The following PAH variants were observed in gnomAD, a reference collection of about 807,000 sequenced individuals.
PAH encodes the protein phenylalanine hydroxylase.
A neutral mutation model predicts 62.0 loss-of-function variants in PAH; 64 were observed. The ratio of observed to expected loss-of-function variants is 1.03; its 90% CI spans 0.84 to 1.27. The LOEUF is 1.27. Among genes scored for constraint, PAH ranks in the 50% most tolerant of loss-of-function variants. PAH has a pLI of 0.00. For missense variants in PAH, 579 were observed against 542.8 expected (o/e 1.07, Z -0.66); for synonymous variants, 195 against 196.2 (o/e 0.99, Z 0.05).
intron 1 of PAH, among the ~76,000 whole-genome samples, chr12:102,945,589 C>G (rs1593004741): frequency 6.6e-6 from 1 of 152,098 alleles, no homozygotes; most frequent in African/African-American, 2.4e-5. Flanking sequence ...CTGCCCCAGA[C>G]CCACAGGGAG....
chr12:102,911,341 C>T (rs1186630534), intron 2 of PAH, among the ~76,000 whole-genome samples: 2 of 152,162 alleles, frequency 1.3e-5, no homozygotes, highest in Non-Finnish European at 2.9e-5. Flanking sequence ...GCACTGCGCC[C>T]TGCAAACTAT....
intron 8 of PAH, among the ~76,000 whole-genome samples, chr12:102,848,781 A>G (rs1448375221): frequency 1.3e-4 from 18 of 141,698 alleles, no homozygotes; most frequent in Non-Finnish European, 2.3e-4. Flanking sequence ...CTGGAGAGGT[A>G]GAGGGTAAAC....
intron 1 of PAH, among the ~76,000 whole-genome samples, chr12:102,942,799 A>G (rs368942085): frequency 7.9e-5 from 12 of 152,300 alleles, no homozygotes; most frequent in East Asian, 5.8e-4. Context: ...AAAGCTGACA[A>G]TCATAAGCAA....
At chr12:102,890,418 T>G (rs1877229228) in intron 3 of PAH, among the ~76,000 whole-genome samples, 1 of 152,194 alleles carries the variant, frequency 6.6e-6, no homozygotes, top group Non-Finnish European at 1.5e-5. Context: ...GAAAAACCTG[T>G]TTCTTGGCCC....
chr12:102,862,889 A>T (rs528967584), intron 5 of PAH, among the ~76,000 whole-genome samples: 2 of 152,226 alleles, frequency 1.3e-5, no homozygotes, highest in African/African-American at 4.8e-5. Context: ...ATTTTGCTTA[A>T]GTATTATTGA....
chr12:102,923,996 T>G (rs1252503531), intron 1 of PAH, among the ~76,000 whole-genome samples: 1 of 152,198 alleles, frequency 6.6e-6, no homozygotes, highest in Non-Finnish European at 1.5e-5. Context: ...TATACACGAG[T>G]TAGGCAGTTT....
In PAH at chr12:102,862,555, G is replaced by A. The variant is rs187423474; in HGVS notation, c.509+4041C>T. Among the ~76,000 whole-genome samples, 4 of 152,194 alleles carry A rather than the reference G, an allele frequency of 2.6e-5. No homozygotes were observed. The South Asian group carries it at 8.3e-4, about 32-fold the overall frequency. On this transcript the variant is annotated intron_variant, in intron 5 of 12. Coordinates refer to ENST00000553106, the MANE Select transcript of PAH (RefSeq NM_000277.3). The stretch of plus-strand genomic sequence containing the variant: ...ATGTACCCTTGAACTTAAAATGAAA[G>A]CTAAATTAAAGATTTTAAAAAAAAA...
intron 1 of PAH, among the ~76,000 whole-genome samples, chr12:102,916,832 A>C (rs1201575359): frequency 6.6e-6 from 1 of 152,180 alleles, no homozygotes; most frequent in Non-Finnish European, 1.5e-5. Flanking sequence ...CCAGATCCCC[A>C]ACCCCCTAAA....
rs191028010 is a variant in PAH at position 102,887,554 on chromosome 12, A to G, written c.352+7181T>C. On this transcript the variant is annotated intron_variant, in intron 3 of 12. Transcript: ENST00000553106. ...AAGTGACCTGTTATTGGCTGGGGTTATAGATCATAGAGAGCTCTCCCTATT... is the reference window on the plus strand; with the variant it reads ...AAGTGACCTGTTATTGGCTGGGGTTGTAGATCATAGAGAGCTCTCCCTATT... Among the ~76,000 whole-genome samples the G allele has an allele frequency of 8.3e-4, 127 of 152,170 alleles. 1 individual carries two copies. Among genetic ancestry groups the G allele is most frequent in the Admixed American group, 3.2e-3 (49 of 15,258 alleles).
At chr12:102,883,079 G>A (rs1349040441) in intron 3 of PAH, among the ~76,000 whole-genome samples, 1 of 152,110 alleles carries the variant, frequency 6.6e-6, no homozygotes, top group Non-Finnish European at 1.5e-5. Context: ...TTGGGCTTTA[G>A]TTTCTGTAAC....
rs377244118 is a variant in PAH, at chr12:102,866,649, A to G, written c.456T>C (p.Pro152=). ...LDADHPGFKD[P]VYRARRKQFA... ...ACTGCTTCCGTCTTGCACGGTACAC[A>G]GGATCTTTAAAACCCTAGGAGAAAA... Residue 152 remains proline, a synonymous_variant, in exon 5 of 13, where the codon CCT becomes CCC. Transcript: ENST00000553106. 1 of 1,613,652 alleles carries G rather than the reference A, an allele frequency of 6.2e-7. No individual in the cohort carries two copies.
chr12:102,923,605 GA>G (rs1878610974), intron 1 of PAH: 1 of 152,142 alleles, frequency 6.6e-6, no homozygotes, highest in African/African-American at 2.4e-5. Flanking sequence ...TCTAGAGGGG[GA>G]AAAACATATT....
chr12:102,871,949 AATATATATATATATAT>A (rs1232144620), intron 4 of PAH, among the ~76,000 whole-genome samples: 67 of 30,312 alleles, frequency 2.2e-3, no homozygotes, highest in African/African-American at 8.5e-3. Flanking sequence ...AAAAAAAAAA[AATATATATATATATAT>A]ATATATATAT....
intron 6 of PAH, 65 bp from the exon 7 acceptor site, chr12:102,853,015 C>T (rs912179974): frequency 6.9e-5 from 108 of 1,575,674 alleles, no homozygotes; most frequent in Admixed American, 1.9e-4. Flanking sequence ...ACTAGGAGAC[C>T]TTTAGGTAGT....
chr12:102,895,869 A>AAAATATATATATATATAT (rs953209518), intron 2 of PAH, among the ~76,000 whole-genome samples: 6 of 118,738 alleles, frequency 5.1e-5, no homozygotes, highest in African/African-American at 1.8e-4. Context: ...AAAAAAAAAA[A>AAAATATATATATATATAT]ATATATATAT....
chr12:102,920,143 G>A (rs36002276), upstream of PAH, among the ~76,000 whole-genome samples: 23,049 of 152,020 alleles, frequency 0.15, 1,818 homozygotes, highest in Middle Eastern at 0.17. Flanking sequence ...AAAACTAATC[G>A]CTTCTTTAAA....
chr12:102,958,167 C>G, intron 1 of PAH: 1 of 1,177,540 alleles, frequency 8.5e-7, no homozygotes, highest in Non-Finnish European at 1.1e-6. Flanking sequence ...CCCAAGTTCT[C>G]TCTGTGTCCC....
chr12:102,947,931 G>C lies in PAH; in HGVS notation c.-96+2658C>G, dbSNP rs1232774918. On this transcript the variant is annotated intron_variant, in intron 1 of 3. Coordinates refer to the PAH transcript ENST00000546844. Reference sequence around the variant, plus strand: ...GAGAAGACTAGTGCCCCAGCTCCAAGACAGGTAGAGAGAGTAAGTTCTCCC... The same window carrying C: ...GAGAAGACTAGTGCCCCAGCTCCAACACAGGTAGAGAGAGTAAGTTCTCCC... 2.0e-5 allele frequency among the ~76,000 whole-genome samples: 3 copies of C among 152,166 alleles called. No homozygotes were observed. The East Asian group carries it at 5.8e-4, about 29-fold the overall frequency.
intron 1 of PAH, among the ~76,000 whole-genome samples, chr12:102,915,892 G>A (rs1463238132): frequency 6.6e-6 from 1 of 151,966 alleles, no homozygotes; most frequent in African/African-American, 2.4e-5. Flanking sequence ...ACACTACTTT[G>A]TTTGTTATTA....
Sources: gnomAD v4.1 joint callset for allele counts (sites outside exome capture counted in the v4.1 genomes callset) on GRCh38, gnomAD v4.1.1 for gene constraint, MANE v1.5 for transcripts, NCBI Gene and HGNC (gene_info 2026-07-23, HGNC 2026-07-21) for gene names.